Variants in RAB33B observed in about 807,000 individuals in gnomAD.
RAB33B encodes RAB33B, member RAS oncogene family.
A neutral mutation model predicts 15.0 loss-of-function variants in RAB33B; 6 were observed. The observed-to-expected ratio is 0.40, with a 90% CI of 0.22 to 0.79. The LOEUF (loss-of-function observed/expected upper bound fraction) is 0.79, where lower values mean the gene tolerates loss of function less well. Ranked by LOEUF, RAB33B falls within the 30% of genes least tolerant of loss-of-function variation. The pLI is 0.37. For synonymous variants in RAB33B, 117 were observed against 108.3 expected (o/e 1.08, Z -0.50); for missense variants, 257 against 296.4 (o/e 0.87, Z 0.98).
intron 1 of RAB33B, among the ~76,000 whole-genome samples, chr4:139,454,745 T>C (rs1261095135): frequency 1.3e-5 from 2 of 152,064 alleles, no homozygotes; most frequent in African/African-American, 2.4e-5. Context: ...AGTTCAGGAG[T>C]GTAGGGCTTA....
chr4:139,445,979 G>A, the RAB33B span, among the ~76,000 whole-genome samples: 1 of 152,196 alleles, frequency 6.6e-6, no homozygotes, highest in African/African-American at 2.4e-5. Context: ...TTGACTATGT[G>A]TCATCAAGTC....
chr4:139,464,582 C>G (rs999723763), intron 1 of RAB33B, among the ~76,000 whole-genome samples: 22 of 152,052 alleles, frequency 1.4e-4, no homozygotes, highest in African/African-American at 3.6e-4. Flanking sequence ...TGTTCTCCAC[C>G]CTGTGTCCAA....
upstream of RAB33B, chr4:139,452,135 C>G (rs1749938349): frequency 6.6e-6 from 1 of 152,200 alleles, no homozygotes. Flanking sequence ...GTGAAATGTT[C>G]AAGTTAACAA....
rs571438099 is a variant in RAB33B, at chr4:139,472,013, A to G, written c.250-673A>G. Among the ~76,000 whole-genome samples the G allele has an allele frequency of 2.0e-5, 3 of 152,300 alleles. No homozygotes were observed. The East Asian group carries it at 5.8e-4, about 29-fold the overall frequency. On this transcript the variant is annotated intron_variant, in intron 1 of 1. Transcript: ENST00000305626. ...ATCTTGTTAAAAATCAGTTGACCAT[A>G]GATATATGGGTTCACTTCTGGATCC...
At position 139,473,800 on chromosome 4, in the gene RAB33B, T is replaced by C. The variant is rs1030900895; in HGVS notation, c.*674T>C. On this transcript the variant is annotated 3_prime_UTR_variant, in exon 2 of 2. Transcript: ENST00000305626. ...TTTCTGGTTCCCAGTCCATAAAGAA[T>C]GACTTTTCCAAGAGTTCTAGATGTT... 6.6e-6 allele frequency: 1 copy of C among 152,144 alleles called. No individual in the cohort carries two copies. Among genetic ancestry groups the C allele is most frequent in the African/African-American group, 2.4e-5 (1 of 41,446 alleles). 9.4% of individuals were successfully genotyped at this position (152,144 alleles called of 1,614,324 possible).
At position 139,475,743 on chromosome 4, in the gene RAB33B, A is replaced by G. The variant is rs1163362625; in HGVS notation, c.*2617A>G. 1 of 152,154 alleles carries G rather than the reference A, an allele frequency of 6.6e-6. No homozygotes were observed. Among genetic ancestry groups the G allele is most frequent in the Non-Finnish European group, 1.5e-5 (1 of 67,992 alleles). 9.4% of individuals were successfully genotyped at this position (152,154 alleles called of 1,614,324 possible). On this transcript the variant is annotated 3_prime_UTR_variant, in exon 2 of 2. Coordinates refer to ENST00000305626, the MANE Select transcript of RAB33B (RefSeq NM_031296.3). ...TTTGGAAAAGTCTTAATTTGAGAAC[A>G]CCAAAGGAAACTACCCCAGAATCTA...
chr4:139,442,765 T>G, the RAB33B span, among the ~76,000 whole-genome samples: 1 of 152,144 alleles, frequency 6.6e-6, no homozygotes, highest in African/African-American at 2.4e-5. Context: ...TAAAACTACT[T>G]AATAAACTCT....
At chr4:139,457,405 C>T (rs1304513151) in intron 1 of RAB33B, among the ~76,000 whole-genome samples, 1 of 152,220 alleles carries the variant, frequency 6.6e-6, no homozygotes, top group Non-Finnish European at 1.5e-5. Context: ...TTAGCACAAT[C>T]ATTTTCCAGT....
Position 139,473,222 on chromosome 4 carries a change from G to A in RAB33B, c.*96G>A. 9.3e-7 allele frequency: 1 copy of A among 1,079,186 alleles called. No individual in the cohort carries two copies. Among genetic ancestry groups the A allele is most frequent in the South Asian group, 1.8e-5 (1 of 55,552 alleles). The allele number at this position is 1,079,186 out of a possible 1,614,324, so 66.9% of individuals were successfully genotyped here. A position where few individuals can be genotyped will look rare whatever the true frequency, so the allele number is the denominator to read the frequency against. On this transcript the variant is annotated 3_prime_UTR_variant, in exon 2 of 2. Transcript: ENST00000305626. ...TAAGATTTAATCTCAACTATAATGG[G>A]TCATCTTGACACTTTGCTGTTTGTC...
intron 1 of RAB33B, among the ~76,000 whole-genome samples, chr4:139,462,573 T>C (rs1213321934): frequency 6.6e-6 from 1 of 152,232 alleles, no homozygotes; most frequent in Non-Finnish European, 1.5e-5. Context: ...TAAGAGCTTC[T>C]GTTAACAATT....
upstream of RAB33B, chr4:139,452,781 T>C (rs1302633105): frequency 6.6e-6 from 1 of 152,190 alleles, no homozygotes; most frequent in African/African-American, 2.4e-5. Context: ...TCTGACTATA[T>C]TTTCATCTGA....
the RAB33B span, among the ~76,000 whole-genome samples, chr4:139,441,147 G>A: frequency 6.6e-6 from 1 of 152,142 alleles, no homozygotes; most frequent in Non-Finnish European, 1.5e-5. Context: ...TTGTTCTATA[G>A]CAGCTGAGCA....
chr4:139,467,554 C>CT (rs1750313748), intron 1 of RAB33B, among the ~76,000 whole-genome samples: 1 of 151,472 alleles, frequency 6.6e-6, no homozygotes, highest in Non-Finnish European at 1.5e-5. Context: ...AGTATTTATC[C>CT]TTTGAGTTAC....
chr4:139,453,976 C>T, upstream of RAB33B: 1 of 426,700 alleles, frequency 2.3e-6, no homozygotes, highest in East Asian at 4.2e-5. Context: ...CGTGTGGCCG[C>T]GGGCAGGCGG....
the RAB33B span, among the ~76,000 whole-genome samples, chr4:139,440,793 G>A: frequency 5.9e-5 from 9 of 151,986 alleles, no homozygotes; most frequent in South Asian, 2.1e-4. Flanking sequence ...TATATTTTTC[G>A]TAGAGACGGA....
rs116402254 is a variant in RAB33B at position 139,476,175 on chromosome 4, G to A, written c.*3049G>A. The stretch of plus-strand genomic sequence containing the variant: ...TGTTTTAGTAATCCAGCTTGTTTTA[G>A]AATAGTTCAGTGCAAAAAGCAAATG... On this transcript the variant is annotated 3_prime_UTR_variant, in exon 2 of 2. Coordinates refer to ENST00000305626, the MANE Select transcript of RAB33B (RefSeq NM_031296.3). 215 of 152,298 alleles carry A rather than the reference G, an allele frequency of 1.4e-3. No homozygotes were observed. The highest frequency in any genetic ancestry group is 5.0e-3 in the African/African-American group (208 of 41,572). 9.4% of individuals were successfully genotyped at this position (152,298 alleles called of 1,614,324 possible). A position where few individuals can be genotyped will look rare whatever the true frequency, so the allele number is the denominator to read the frequency against.
intron 1 of RAB33B, among the ~76,000 whole-genome samples, chr4:139,466,155 A>G (rs1487825647): frequency 6.6e-6 from 1 of 152,122 alleles, no homozygotes; most frequent in Admixed American, 6.5e-5. Context: ...TGGGGTTAAC[A>G]TTTATCATTA....
chr4:139,445,979 G>C, the RAB33B span, among the ~76,000 whole-genome samples: 1 of 152,196 alleles, frequency 6.6e-6, no homozygotes, highest in Non-Finnish European at 1.5e-5. Flanking sequence ...TTGACTATGT[G>C]TCATCAAGTC....
intron 1 of RAB33B, among the ~76,000 whole-genome samples, chr4:139,460,298 C>A (rs917385987): frequency 2.0e-5 from 3 of 152,086 alleles, no homozygotes; most frequent in Admixed American, 2.0e-4. Context: ...CTACAAATAC[C>A]GGATTGGCAC....
Sources: allele counts gnomAD v4.1 joint callset (sites outside exome capture counted in the v4.1 genomes callset), GRCh38; gene constraint gnomAD v4.1.1; transcripts MANE v1.5; gene names NCBI Gene and HGNC (gene_info 2026-07-23, HGNC 2026-07-21).